Variants in RAP1GDS1 observed in about 807,000 individuals in gnomAD.
RAP1GDS1 encodes the protein RAP1, GTP-GDP dissociation stimulator 1.
Under a neutral mutation model 71.1 loss-of-function variants are expected in RAP1GDS1, and 35 were observed. The ratio of observed to expected loss-of-function variants is 0.49; its 90% CI spans 0.38 to 0.65. RAP1GDS1 has a LOEUF of 0.65. Among genes scored for constraint, RAP1GDS1 ranks in the 30% least tolerant of loss-of-function variants. RAP1GDS1 has a pLI of 0.00. For synonymous variants in RAP1GDS1, 229 were observed against 243.1 expected (o/e 0.94, Z 0.54); for missense variants, 663 against 706.1 (o/e 0.94, Z 0.69).
intron 11 of RAP1GDS1, among the ~76,000 whole-genome samples, chr4:98,420,874 G>A (rs1748752485): frequency 6.6e-6 from 1 of 152,076 alleles, no homozygotes; most frequent in Admixed American, 6.5e-5. Flanking sequence ...GCATTTTTCT[G>A]TTTGCAGAAA....
At chr4:98,397,154 C>G (rs76928925) in intron 6 of RAP1GDS1, among the ~76,000 whole-genome samples, 1 of 151,970 alleles carries the variant, frequency 6.6e-6, no homozygotes, top group Non-Finnish European at 1.5e-5. Flanking sequence ...GCCTTTAACC[C>G]AACACTCTTT....
chr4:98,427,402 A>G (rs929289763), intron 12 of RAP1GDS1, among the ~76,000 whole-genome samples: 2 of 152,200 alleles, frequency 1.3e-5, no homozygotes, highest in Admixed American at 6.5e-5. Context: ...GGTCATCCAC[A>G]TCGGTAAAGA....
At chr4:98,362,671 T>C (rs1158832521) in intron 4 of RAP1GDS1, among the ~76,000 whole-genome samples, 5 of 152,242 alleles carry the variant, frequency 3.3e-5, no homozygotes, top group Non-Finnish European at 7.3e-5. Context: ...TTTACATCCC[T>C]GACTTCTAAT....
intron 2 of RAP1GDS1, among the ~76,000 whole-genome samples, chr4:98,336,587 A>T (rs746100188): frequency 5.9e-5 from 9 of 152,104 alleles, no homozygotes; most frequent in Non-Finnish European, 1.0e-4. Flanking sequence ...TTGTTCTGCT[A>T]TCTTTCTTTT....
intron 2 of RAP1GDS1, among the ~76,000 whole-genome samples, chr4:98,298,411 T>C (rs1305336116): frequency 1.3e-5 from 2 of 152,216 alleles, no homozygotes; most frequent in African/African-American, 4.8e-5. Flanking sequence ...AAGGACAGGC[T>C]GACTCTCTTA....
chr4:98,438,876 C>G (rs1751524397), intron 14 of RAP1GDS1, among the ~76,000 whole-genome samples: 1 of 152,018 alleles, frequency 6.6e-6, no homozygotes, highest in Non-Finnish European at 1.5e-5. Context: ...GCTGGGATTA[C>G]AGGTGTGAGC....
chr4:98,379,724 A>G (rs1252736025), intron 5 of RAP1GDS1, among the ~76,000 whole-genome samples: 1 of 151,924 alleles, frequency 6.6e-6, no homozygotes, highest in Non-Finnish European at 1.5e-5. Context: ...AATAATTTTC[A>G]GATAGCCTAT....
chr4:98,334,358 A>C (rs558861008), intron 2 of RAP1GDS1, among the ~76,000 whole-genome samples: 1 of 152,286 alleles, frequency 6.6e-6, no homozygotes, highest in South Asian at 2.1e-4. Context: ...GTTTCACATG[A>C]GTTTAGGGTT....
At chr4:98,279,355 AT>A (rs1475327274) in intron 1 of RAP1GDS1, among the ~76,000 whole-genome samples, 1 of 151,974 alleles carries the variant, frequency 6.6e-6, no homozygotes, top group Non-Finnish European at 1.5e-5. Context: ...ATGCAAAAGA[AT>A]TACATAAATG....
intron 1 of RAP1GDS1, among the ~76,000 whole-genome samples, chr4:98,272,518 G>A (rs150912424): frequency 1.4e-3 from 212 of 152,282 alleles, no homozygotes; most frequent in African/African-American, 4.8e-3. Context: ...TGTGCGATCT[G>A]TGGTCGGACG....
chr4:98,411,143 CAGT>C (rs1747012314), intron 7 of RAP1GDS1, among the ~76,000 whole-genome samples: 1 of 152,144 alleles, frequency 6.6e-6, no homozygotes, highest in South Asian at 2.1e-4. Context: ...TGTGTGTAAA[CAGT>C]GGTGATAAAG....
chr4:98,423,603 G>A (rs1277495934), intron 12 of RAP1GDS1, among the ~76,000 whole-genome samples: 3 of 151,926 alleles, frequency 2.0e-5, no homozygotes, highest in Non-Finnish European at 4.4e-5. Flanking sequence ...GGAATGCAAT[G>A]GTGCGATCTC....
intron 1 of RAP1GDS1, among the ~76,000 whole-genome samples, chr4:98,262,919 AG>A (rs1722235784): frequency 6.6e-6 from 1 of 152,194 alleles, no homozygotes; most frequent in East Asian, 1.9e-4. Flanking sequence ...AAAAAGGTCT[AG>A]GGCTCTGAAT....
intron 1 of RAP1GDS1, among the ~76,000 whole-genome samples, chr4:98,270,507 A>T (rs935663810): frequency 6.6e-6 from 1 of 152,178 alleles, no homozygotes; most frequent in African/African-American, 2.4e-5. Context: ...CAAGCTGGCT[A>T]AGATATGGAT....
chr4:98,337,430 A>AG (rs900922231), intron 2 of RAP1GDS1, among the ~76,000 whole-genome samples: 1 of 152,244 alleles, frequency 6.6e-6, no homozygotes, highest in Non-Finnish European at 1.5e-5. Flanking sequence ...CAGTTGTAGT[A>AG]GGAAGAGCTT....
At chr4:98,350,517 G>A (rs956385505) in intron 3 of RAP1GDS1, among the ~76,000 whole-genome samples, 1 of 151,934 alleles carries the variant, frequency 6.6e-6, no homozygotes. Context: ...CACCAGCCAG[G>A]GCAGCATAGT....
intron 4 of RAP1GDS1, among the ~76,000 whole-genome samples, chr4:98,361,680 C>T (rs967871174): frequency 2.0e-5 from 3 of 152,118 alleles, no homozygotes; most frequent in Admixed American, 6.6e-5. Flanking sequence ...TGGGCCATAA[C>T]CTCATTTTAT....
intron 1 of RAP1GDS1, among the ~76,000 whole-genome samples, chr4:98,287,853 C>T (rs1358454559): frequency 6.6e-6 from 1 of 151,844 alleles, no homozygotes; most frequent in Non-Finnish European, 1.5e-5. Flanking sequence ...TAGGTACATT[C>T]CTGTTAGATC....
intron 2 of RAP1GDS1, among the ~76,000 whole-genome samples, chr4:98,308,297 C>CTATATATATA (rs779815305): frequency 0.061 from 4,418 of 72,762 alleles, 246 homozygotes; most frequent in East Asian, 0.09. Context: ...CACACACACA[C>CTATATATATA]TATATATATA....
Sources: gnomAD v4.1 joint callset for allele counts (sites outside exome capture counted in the v4.1 genomes callset) on GRCh38, gnomAD v4.1.1 for gene constraint, MANE v1.5 for transcripts, NCBI Gene and HGNC (gene_info 2026-07-23, HGNC 2026-07-21) for gene names.